Variants in SLC22A3 observed in about 807,000 individuals in gnomAD.
SLC22A3 encodes solute carrier family 22 member 3, also known as EMT organic cation transporter 3.
In SLC22A3, 51 loss-of-function variants were observed where a neutral mutation model predicts 59.1. The observed-to-expected ratio is 0.86, with a 90% CI of 0.69 to 1.09. SLC22A3 has a LOEUF of 1.09. Among genes scored for constraint, SLC22A3 ranks in the 50% least tolerant of loss-of-function variants. SLC22A3 has a pLI of 0.00. For missense variants in SLC22A3, 711 were observed against 726.3 expected (o/e 0.98, Z 0.24); for synonymous variants, 325 against 292.0 (o/e 1.11, Z -1.15).
chr6:160,408,582 A>C (rs1157925073), intron 3 of SLC22A3, among the ~76,000 whole-genome samples, 171 bp from the exon 4 acceptor site: 2 of 152,186 alleles, frequency 1.3e-5, no homozygotes, highest in Admixed American at 1.3e-4. Context: ...AGCATTTAGT[A>C]TCAAGAAGGA....
At chr6:160,445,435 C>G (rs1342912466) in intron 9 of SLC22A3, among the ~76,000 whole-genome samples, 2 of 152,202 alleles carry the variant, frequency 1.3e-5, no homozygotes, top group African/African-American at 4.8e-5. Context: ...TTTATACACA[C>G]AGCAGTGGAA....
chr6:160,363,354 G>A (rs576783351), intron 1 of SLC22A3, among the ~76,000 whole-genome samples: 2 of 152,336 alleles, frequency 1.3e-5, no homozygotes, highest in East Asian at 3.9e-4. Context: ...CCACGTGACC[G>A]GCACGCCTGT....
At chr6:160,409,789 G>A (rs1787173090) in intron 4 of SLC22A3, among the ~76,000 whole-genome samples, 1 of 152,116 alleles carries the variant, frequency 6.6e-6, no homozygotes, top group Admixed American at 6.6e-5. Context: ...TTTAAGTAGG[G>A]TACTGCATTA....
intron 1 of SLC22A3, among the ~76,000 whole-genome samples, chr6:160,354,877 C>T (rs963273240): frequency 6.6e-6 from 1 of 152,190 alleles, no homozygotes; most frequent in African/African-American, 2.4e-5. Flanking sequence ...TATTTCCCAG[C>T]TTCCCTTGAA....
In SLC22A3 at chr6:160,425,866, C is replaced by G. The variant is rs180819811; in HGVS notation, c.976-10914C>G. 9.6e-5 allele frequency: 95 copies of G among 985,204 alleles called. No individual in the cohort carries two copies. The African/African-American group carries it at 1.4e-3, about 15-fold the overall frequency. 61.0% of individuals were successfully genotyped at this position (985,204 alleles called of 1,614,324 possible). The stretch of plus-strand genomic sequence containing the variant: ...ATTAATGCAGATTAATTACCATGGC[C>G]CAGAGACCAGCCATGAGACATAACA... On this transcript the variant is annotated intron_variant, in intron 5 of 10. Transcript: ENST00000275300.
In SLC22A3 at chr6:160,436,815, C is replaced by T; in HGVS notation, c.1011C>T (p.Ser337=). 1 of 1,613,436 alleles carries T rather than the reference C, an allele frequency of 6.2e-7. No homozygotes were observed. Among genetic ancestry groups the T allele is most frequent in the East Asian group, 2.2e-5 (1 of 44,836 alleles). The change falls in exon 6 of 11, where the codon TCC becomes TCT. Residue 337 remains serine (S), a synonymous_variant. Transcript: ENST00000275300. ...CAGATGAGGAAGTTAGTAATCCATC[C>T]TTTTTAGATCTGGTGAGAACTCCCC... is the stretch of plus-strand genomic sequence containing the variant. ...TVTDEEVSNP[S]FLDLVRTPQM...
intron 2 of SLC22A3, among the ~76,000 whole-genome samples, chr6:160,400,885 G>A (rs1397837910): frequency 2.1e-5 from 3 of 146,006 alleles, no homozygotes; most frequent in Non-Finnish European, 4.5e-5. Context: ...CACTGTAACA[G>A]AAATGAAAAA....
intron 1 of SLC22A3, among the ~76,000 whole-genome samples, chr6:160,386,199 C>T (rs147884789): frequency 1.9e-3 from 287 of 152,296 alleles, no homozygotes; most frequent in African/African-American, 6.4e-3. Context: ...CTTTTGCTTT[C>T]GCCTCCAGCT....
At chr6:160,394,119 T>C (rs573431799) in intron 1 of SLC22A3, among the ~76,000 whole-genome samples, 3 of 152,250 alleles carry the variant, frequency 2.0e-5, no homozygotes, top group Non-Finnish European at 4.4e-5. Flanking sequence ...AATTGCTTAA[T>C]GTTTTTGCAT....
intron 7 of SLC22A3, among the ~76,000 whole-genome samples, chr6:160,439,438 C>T (rs557098548): frequency 6.6e-6 from 1 of 152,052 alleles, no homozygotes; most frequent in Non-Finnish European, 1.5e-5. Context: ...ATATACTTTA[C>T]TCTATAAGAT....
intron 10 of SLC22A3, among the ~76,000 whole-genome samples, chr6:160,448,303 G>A (rs539696508): frequency 2.0e-4 from 31 of 152,284 alleles, no homozygotes; most frequent in African/African-American, 7.0e-4. Context: ...TTTTCTCTCT[G>A]CAGCTGGATA....
At chr6:160,425,760 G>A (rs1787928786) in intron 5 of SLC22A3, 1 of 941,220 alleles carries the variant, frequency 1.1e-6, no homozygotes, top group Non-Finnish European at 1.3e-6. Context: ...TATTAATTAT[G>A]GAAACTAGTC....
At chr6:160,404,207 A>G (rs910981122) in intron 2 of SLC22A3, among the ~76,000 whole-genome samples, 8 of 152,018 alleles carry the variant, frequency 5.3e-5, no homozygotes, top group Middle Eastern at 3.2e-3. Context: ...AACCAAAAAA[A>G]AAAACTCCTG....
intron 1 of SLC22A3, among the ~76,000 whole-genome samples, chr6:160,381,282 A>G (rs1785786970): frequency 6.6e-6 from 1 of 152,200 alleles, no homozygotes; most frequent in Non-Finnish European, 1.5e-5. Context: ...CTGTACATTG[A>G]TGTAACACTT....
intron 1 of SLC22A3, among the ~76,000 whole-genome samples, chr6:160,377,351 G>A (rs1785633676): frequency 6.6e-6 from 1 of 151,980 alleles, no homozygotes; most frequent in Non-Finnish European, 1.5e-5. Context: ...TGGGTGTGGT[G>A]ATATGCACCT....
At chr6:160,383,822 A>G (rs1785889898) in intron 1 of SLC22A3, among the ~76,000 whole-genome samples, 1 of 152,210 alleles carries the variant, frequency 6.6e-6, no homozygotes, top group Non-Finnish European at 1.5e-5. Flanking sequence ...ATAAAAACCA[A>G]TACAGTATAA....
chr6:160,452,245 A>G lies in SLC22A3; in HGVS notation c.*1189A>G, dbSNP rs908480603. ...GTTTTAAAAATGAAATACTTTATGC[A>G]AACAGGCAAAATTGGTACCAAAGGG... is the stretch of plus-strand genomic sequence containing the variant. On this transcript the variant is annotated 3_prime_UTR_variant, in exon 11 of 11. Coordinates refer to ENST00000275300, the MANE Select transcript of SLC22A3 (RefSeq NM_021977.4). The G allele has an allele frequency of 1.4e-4, 22 of 152,352 alleles. No individual in the cohort carries two copies. The highest frequency in any genetic ancestry group is 5.1e-4 in the African/African-American group (21 of 41,578). The allele number at this position is 152,352 out of a possible 1,614,324, so 9.4% of individuals were successfully genotyped here.
chr6:160,407,172 C>T lies in SLC22A3; in HGVS notation c.665C>T (p.Thr222Met), dbSNP rs760016440. 49 of 1,610,762 alleles carry T rather than the reference C, an allele frequency of 3.0e-5. No homozygotes were observed. The highest frequency in any genetic ancestry group is 1.7e-4 in the Middle Eastern group (1 of 6,056). Residue 222 changes from threonine (T) to methionine (M), a missense_variant, in exon 3 of 11, where the codon ACG becomes ATG. Thr to Met is a moderately conservative substitution (Grantham distance 81). Coordinates refer to ENST00000275300, the MANE Select transcript of SLC22A3 (RefSeq NM_021977.4). Reference sequence around the variant, plus strand: ...CTGCAAGGTGTATTTGGAAAGGGGACGTGGATGACTTGCTACGTGATTGGT... The same window carrying T: ...CTGCAAGGTGTATTTGGAAAGGGGATGTGGATGACTTGCTACGTGATTGGT... ...RFLQGVFGKG[T>M]WMTCYVIVTE...
At position 160,451,428 on chromosome 6, in the gene SLC22A3, C is replaced by T; in HGVS notation, c.*372C>T. 4.6e-6 allele frequency: 1 copy of T among 215,890 alleles called. No individual in the cohort carries two copies. Among genetic ancestry groups the T allele is most frequent in the East Asian group, 1.1e-4 (1 of 9,518 alleles). The allele number at this position is 215,890 out of a possible 1,614,324, so 13.4% of individuals were successfully genotyped here. A position where few individuals can be genotyped will look rare whatever the true frequency, so the allele number is the denominator to read the frequency against. On this transcript the variant is annotated 3_prime_UTR_variant, in exon 11 of 11. Coordinates refer to ENST00000275300, the MANE Select transcript of SLC22A3 (RefSeq NM_021977.4). ...CATCAAGAATGTGGGATGTGCCGAC[C>T]AAGGATTTGAGAAAGTTGTACAGAA...
Sources: gnomAD v4.1 joint callset for allele counts (sites outside exome capture counted in the v4.1 genomes callset) on GRCh38, gnomAD v4.1.1 for gene constraint, MANE v1.5 for transcripts, NCBI Gene and HGNC (gene_info 2026-07-23, HGNC 2026-07-21) for gene names.